Variants in SERPINI2 observed in about 807,000 individuals in gnomAD.
SERPINI2 encodes the protein serpin family I member 2.
Under a neutral mutation model 47.3 loss-of-function variants are expected in SERPINI2, and 48 were observed. That is an observed-to-expected ratio of 1.02 (90% CI 0.81 to 1.29). The LOEUF (loss-of-function observed/expected upper bound fraction) is 1.29, where lower values mean the gene tolerates loss of function less well. Among genes scored for constraint, SERPINI2 ranks in the 50% most tolerant of loss-of-function variants. The pLI, the probability that SERPINI2 is intolerant of heterozygous loss-of-function variation, is 0.00. For synonymous variants in SERPINI2, 135 were observed against 149.3 expected, an observed-to-expected ratio of 0.90 and a Z score of 0.70; for missense variants, 448 against 456.9, an observed-to-expected ratio of 0.98 and a Z score of 0.18.
At chr3:167,459,531 T>G (rs1335511244) in intron 5 of SERPINI2, among the ~76,000 whole-genome samples, 1 of 152,144 alleles carries the variant, frequency 6.6e-6, no homozygotes, top group Non-Finnish European at 1.5e-5. Context: ...ACTCGAGTAT[T>G]TTGAGATGAT....
intron 5 of SERPINI2, among the ~76,000 whole-genome samples, chr3:167,463,980 T>C (rs1750058831): frequency 6.7e-6 from 1 of 150,058 alleles, no homozygotes; most frequent in African/African-American, 2.5e-5. Flanking sequence ...ACAGTTGCAG[T>C]AGTTGCAGTA....
chr3:167,461,913 G>T lies in SERPINI2; in HGVS notation c.866+3293C>A, dbSNP rs913156289. Among the ~76,000 whole-genome samples, 9 of 147,386 alleles carry T rather than the reference G, an allele frequency of 6.1e-5. No homozygotes were observed. In the East Asian group the frequency reaches 1.8e-3, roughly 29 times the overall value. ...GGGATTACAGGCATAAGCCACATCTGGCAACTATAGATTCTTGTCACAACT... is the reference window on the plus strand; with the variant it reads ...GGGATTACAGGCATAAGCCACATCTTGCAACTATAGATTCTTGTCACAACT... On this transcript the variant is annotated intron_variant, in intron 5 of 8. Transcript: ENST00000264677.
chr3:167,452,879 A>G (rs1749679426), intron 6 of SERPINI2, 57 bp downstream of exon 6: 3 of 1,052,628 alleles, frequency 2.9e-6, no homozygotes, highest in Non-Finnish European at 1.4e-6. Flanking sequence ...CAGCTAGTTA[A>G]TGTAGTCCTA....
At chr3:167,446,397 G>A (rs1381945253) in exon 8 of SERPINI2, 1 of 1,598,286 alleles carries the variant, frequency 6.3e-7, no homozygotes, top group African/African-American at 1.3e-5. Flanking sequence ...GGTACCTGTT[G>A]GATTATGCTT....
chr3:167,444,326 T>A (rs73881217), intron 8 of SERPINI2, among the ~76,000 whole-genome samples: 132 of 152,264 alleles, frequency 8.7e-4, no homozygotes, highest in African/African-American at 2.8e-3. Context: ...TATACTGCAA[T>A]ATAAAATTCA....
chr3:167,459,152 G>C (rs1025666296), intron 5 of SERPINI2, among the ~76,000 whole-genome samples: 11 of 149,088 alleles, frequency 7.4e-5, no homozygotes, highest in African/African-American at 2.2e-4. Flanking sequence ...TCGGCTCACT[G>C]CAAGCTCCGC....
chr3:167,469,245 A>G (rs1750238497), intron 2 of SERPINI2: 3 of 152,216 alleles, frequency 2.0e-5, no homozygotes. Context: ...CCCACAGGTC[A>G]TGGGTGAATG....
chr3:167,449,165 G>A (rs896607453), intron 7 of SERPINI2, 151 bp downstream of exon 7: 3 of 626,294 alleles, frequency 4.8e-6, no homozygotes, highest in African/African-American at 3.8e-5. Context: ...AATATGAACA[G>A]CGTATACAAC....
At chr3:167,450,105 T>G (rs1560230628) in intron 6 of SERPINI2, among the ~76,000 whole-genome samples, 1 of 152,210 alleles carries the variant, frequency 6.6e-6, no homozygotes. Context: ...AAAGCCAAAG[T>G]GCCTTTTATA....
intron 3 of SERPINI2, 61 bp from the exon 4 acceptor site, chr3:167,465,734 C>T (rs1442811884): frequency 5.1e-5 from 73 of 1,423,660 alleles, no homozygotes; most frequent in Non-Finnish European, 6.5e-5. Context: ...AGTGGAATTG[C>T]TTTGAATAGA....
chr3:167,465,696 G>C (rs1401698377), intron 3 of SERPINI2, 23 bp from the exon 4 acceptor site: 1 of 1,585,256 alleles, frequency 6.3e-7, no homozygotes, highest in African/African-American at 1.4e-5. Context: ...TGGAGGAGGA[G>C]GTAAGAAGAA....
intron 5 of SERPINI2, among the ~76,000 whole-genome samples, chr3:167,464,812 A>C (rs914596556): frequency 6.6e-6 from 1 of 152,340 alleles, no homozygotes; most frequent in African/African-American, 2.4e-5. Context: ...AAGTGATATA[A>C]CATATCTTTC....
intron 5 of SERPINI2, among the ~76,000 whole-genome samples, chr3:167,459,256 A>C (rs1348191972): frequency 6.6e-6 from 1 of 151,572 alleles, no homozygotes; most frequent in Non-Finnish European, 1.5e-5. Flanking sequence ...TTGTATTTTT[A>C]GTAGAGACGG....
Position 167,442,182 on chromosome 3 carries a change from G to C in SERPINI2, c.1145C>G (p.Ser382Ter), listed in dbSNP as rs780675287. 6 of 1,569,592 alleles carry C rather than the reference G, an allele frequency of 3.8e-6. No homozygotes were observed. In the African/African-American group the frequency reaches 7.0e-5, roughly 18 times the overall value. Residue 382 changes from serine (S) to a stop codon, truncating the protein, a stop_gained, in exon 9 of 9, where the codon TCA (serine) becomes TGA (stop). Coordinates refer to ENST00000264677, the Ensembl canonical transcript of SERPINI2. LOFTEE classifies it high-confidence loss of function. ...TGTCACTCTTCCCATAAACAGAATT[G>C]ATTCTAGGGAAAAAAAAACAAAAAA... is the stretch of plus-strand genomic sequence containing the variant.
At chr3:167,465,355 C>T (rs1750102556) in exon 5 of SERPINI2, 2 of 1,610,192 alleles carry the variant, frequency 1.2e-6, no homozygotes, top group Non-Finnish European at 1.7e-6. Flanking sequence ...CTTTGTAAGA[C>T]AATTCTAAAA....
intron 2 of SERPINI2, 126 bp downstream of exon 2, chr3:167,471,462 A>G: frequency 2.3e-6 from 2 of 881,638 alleles, no homozygotes; most frequent in Non-Finnish European, 3.3e-6. Context: ...TCTCCATTTT[A>G]TTACAATTTT....
At chr3:167,441,946 A>T in exon 9 of SERPINI2, 1 of 487,102 alleles carries the variant, frequency 2.1e-6, no homozygotes, top group Non-Finnish European at 3.5e-6. Context: ...AAACAAATGC[A>T]TACCTAATTT....
At chr3:167,456,455 G>C (rs940134945) in intron 5 of SERPINI2, among the ~76,000 whole-genome samples, 2 of 152,100 alleles carry the variant, frequency 1.3e-5, no homozygotes, top group Admixed American at 6.6e-5. Context: ...GCCAAGCCTA[G>C]AATTAATTTC....
rs1403355707 is a variant in SERPINI2 at position 167,471,522 on chromosome 3, C to A, written c.247+66G>T. ...ATTAAAATTTCTTTATCCTGAACTT[C>A]TAATATTAAAAAATGAATGCGTCCA... On this transcript the variant is annotated intron_variant, in intron 2 of 8. Transcript: ENST00000264677. 2.1e-6 allele frequency: 3 copies of A among 1,424,658 alleles called. No individual in the cohort carries two copies. In the East Asian group the frequency reaches 6.9e-5, roughly 33 times the overall value. 88.3% of individuals were successfully genotyped at this position (1,424,658 alleles called of 1,614,324 possible).
Sources: allele counts gnomAD v4.1 joint callset (sites outside exome capture counted in the v4.1 genomes callset), GRCh38; gene constraint gnomAD v4.1.1; transcripts MANE v1.5; gene names NCBI Gene and HGNC (gene_info 2026-07-23, HGNC 2026-07-21).